TUBB3: variants seen among roughly 807,000 people sequenced by gnomAD.
TUBB3 encodes tubulin beta-3 chain.
In TUBB3, 17 loss-of-function variants were observed where a neutral mutation model predicts 37.8. That is an observed-to-expected ratio of 0.45 (90% CI 0.31 to 0.67). TUBB3 has a LOEUF of 0.67. Among genes scored for constraint, TUBB3 ranks in the 30% least tolerant of loss-of-function variants. TUBB3 has a pLI of 0.07. For synonymous variants in TUBB3, 332 were observed against 278.9 expected, an observed-to-expected ratio of 1.19 and a Z score of -1.90; for missense variants, 262 against 657.9, an observed-to-expected ratio of 0.40 and a Z score of 6.58.
chr16:89,923,056 C>T (rs905642130), upstream of TUBB3, among the ~76,000 whole-genome samples: 1 of 152,198 alleles, frequency 6.6e-6, no homozygotes, highest in Admixed American at 6.5e-5. Context: ...CAAGAGGGGC[C>T]ATTGTCCTCC....
chr16:89,933,591 T>G lies in TUBB3; in HGVS notation c.277+13T>G, dbSNP rs999266271. 6.2e-7 allele frequency: 1 copy of G among 1,604,970 alleles called. No homozygotes were observed. The highest frequency in any genetic ancestry group is 1.3e-5 in the African/African-American group (1 of 74,726). On this transcript the variant is annotated intron_variant, in intron 3 of 3. Coordinates refer to ENST00000315491, the MANE Select transcript of TUBB3 (RefSeq NM_006086.4). Reference sequence around the variant, plus strand: ...AATTTCATCTTTGGTAAGTTCCCCCTGCTCCAAGCTCTGATGGCAGACCCC... The same window carrying G: ...AATTTCATCTTTGGTAAGTTCCCCCGGCTCCAAGCTCTGATGGCAGACCCC...
chr16:89,926,606 C>T (rs946846019), intron 1 of TUBB3, among the ~76,000 whole-genome samples: 2 of 152,280 alleles, frequency 1.3e-5, no homozygotes, highest in African/African-American at 4.8e-5. Context: ...GGAGGCCTGG[C>T]TCTGTCGCCC....
In TUBB3 at chr16:89,934,712, C is replaced by T; in HGVS notation, c.278-17C>T. On this transcript the variant is annotated splice_polypyrimidine_tract_variant and intron_variant, in intron 3 of 3. Coordinates refer to ENST00000315491, the MANE Select transcript of TUBB3 (RefSeq NM_006086.4). ...AGTCCCTGGCCCCTGTCTCTTACCC[C>T]TCTTCTCCCTGTACAGGTCAGAGTG... 2 of 1,613,196 alleles carry T rather than the reference C, an allele frequency of 1.2e-6. No homozygotes were observed. The highest frequency in any genetic ancestry group is 1.7e-6 in the Non-Finnish European group (2 of 1,179,298).
At chr16:89,925,238 G>A (rs1011967079) in intron 1 of TUBB3, among the ~76,000 whole-genome samples, 3 of 152,088 alleles carry the variant, frequency 2.0e-5, no homozygotes, top group African/African-American at 7.2e-5. Context: ...TAGTTTGCCC[G>A]CTACTTTTTA....
Position 89,935,183 on chromosome 16 carries a change from C to G in TUBB3, c.732C>G (p.Gly244=). The part of the protein sequence containing the change: ...SGVTTSLRFP[G]QLNADLRKLA... ...TCACCACCTCCTTGCGCTTCCCGGGCCAGCTCAACGCTGACCTGCGCAAGC... is the reference window on the plus strand; with the variant it reads ...TCACCACCTCCTTGCGCTTCCCGGGGCAGCTCAACGCTGACCTGCGCAAGC... Residue 244 remains glycine (G), a synonymous_variant, in exon 4 of 4, where the codon GGC becomes GGG. Transcript: ENST00000315491. 1 of 1,613,898 alleles carries G rather than the reference C, an allele frequency of 6.2e-7. No individual in the cohort carries two copies. The highest frequency in any genetic ancestry group is 1.1e-5 in the South Asian group (1 of 91,078).
intron 1 of TUBB3, among the ~76,000 whole-genome samples, chr16:89,924,323 G>A (rs527506365): frequency 6.6e-6 from 1 of 152,322 alleles, no homozygotes; most frequent in East Asian, 1.9e-4. Context: ...CTGGCCCAAG[G>A]TCACACAGCA....
At chr16:89,924,046 A>C (rs2029981050) in intron 1 of TUBB3, among the ~76,000 whole-genome samples, 1 of 152,222 alleles carries the variant, frequency 6.6e-6, no homozygotes, top group Non-Finnish European at 1.5e-5. Context: ...GTCCAGGACC[A>C]GGCTCTCCAT....
intron 1 of TUBB3, among the ~76,000 whole-genome samples, chr16:89,927,548 C>A (rs1411536576): frequency 1.3e-5 from 2 of 152,058 alleles, no homozygotes; most frequent in East Asian, 3.8e-4. Flanking sequence ...CAAGTGGGAA[C>A]AAATTTCTTT....
chr16:89,930,052 CT>C (rs2030227685), intron 1 of TUBB3, among the ~76,000 whole-genome samples: 2 of 148,004 alleles, frequency 1.4e-5, no homozygotes, highest in Admixed American at 6.8e-5. Flanking sequence ...TCCTTCCTTC[CT>C]TCCTTCCTCT....
At chr16:89,928,914 G>A (rs952270741) in intron 1 of TUBB3, among the ~76,000 whole-genome samples, 14 of 150,688 alleles carry the variant, frequency 9.3e-5, no homozygotes, top group African/African-American at 2.0e-4. Flanking sequence ...CACCCGCCTT[G>A]GCCTCCCAAA....
intron 1 of TUBB3, among the ~76,000 whole-genome samples, chr16:89,925,972 C>A (rs2030062347): frequency 6.6e-6 from 1 of 152,188 alleles, no homozygotes; most frequent in Admixed American, 6.5e-5. Flanking sequence ...ATGCAGTAAG[C>A]CGGGCGCAGC....
chr16:89,934,594 A>G, intron 3 of TUBB3, 135 bp from the exon 4 acceptor site: 2 of 862,216 alleles, frequency 2.3e-6, no homozygotes, highest in Non-Finnish European at 1.9e-6. Flanking sequence ...AGGGGTGCTC[A>G]GTGGGGCCTA....
At chr16:89,924,720 C>G (rs1017478701) in intron 1 of TUBB3, among the ~76,000 whole-genome samples, 2 of 152,052 alleles carry the variant, frequency 1.3e-5, no homozygotes, top group Non-Finnish European at 2.9e-5. Flanking sequence ...GTGGGAGGCC[C>G]AGTAGTGGGG....
upstream of TUBB3, chr16:89,922,386 T>C (rs2144397299): frequency 6.6e-6 from 1 of 152,568 alleles, no homozygotes; most frequent in African/African-American, 2.4e-5. Context: ...TCTAAGGTGG[T>C]GGCACTGTAA....
At chr16:89,927,072 G>T (rs1276227451) in intron 1 of TUBB3, among the ~76,000 whole-genome samples, 1 of 149,542 alleles carries the variant, frequency 6.7e-6, no homozygotes, top group African/African-American at 2.4e-5. Context: ...ATATTTTATT[G>T]TTTATTAAAT....
intron 1 of TUBB3, among the ~76,000 whole-genome samples, chr16:89,925,363 T>A (rs2030036059): frequency 6.6e-6 from 1 of 151,236 alleles, no homozygotes; most frequent in Admixed American, 6.6e-5. Flanking sequence ...AGACTGAAAC[T>A]GGAGGATCAC....
At chr16:89,925,687 T>C (rs964181857) in intron 1 of TUBB3, among the ~76,000 whole-genome samples, 5 of 151,748 alleles carry the variant, frequency 3.3e-5, no homozygotes, top group Non-Finnish European at 7.4e-5. Context: ...CGTGTTCCTT[T>C]GCTCTGCTGC....
chr16:89,924,008 G>A (rs566998248), intron 1 of TUBB3, among the ~76,000 whole-genome samples: 8 of 152,300 alleles, frequency 5.3e-5, no homozygotes, highest in East Asian at 1.9e-4. Context: ...TTGTTGGAGG[G>A]GTTGGGCCTG....
At chr16:89,923,486 G>A (rs2029959265) in intron 1 of TUBB3, 28 bp downstream of exon 1, 2 of 1,420,370 alleles carry the variant, frequency 1.4e-6, no homozygotes, top group Non-Finnish European at 1.8e-6. Flanking sequence ...GGCCTGTCCC[G>A]GGCCCCGGGG....
Sources: allele counts gnomAD v4.1 joint callset (sites outside exome capture counted in the v4.1 genomes callset), GRCh38; gene constraint gnomAD v4.1.1; transcripts MANE v1.5; gene names NCBI Gene and HGNC (gene_info 2026-07-23, HGNC 2026-07-21).